The following RBM27 variants were observed in gnomAD, a reference collection of about 807,000 sequenced individuals.
RBM27 encodes RNA-binding protein 27.
RBM27 carries 22 observed loss-of-function variants against 135.3 expected under a neutral mutation model. That is an observed-to-expected ratio of 0.16 (90% CI 0.12 to 0.23). RBM27 has a LOEUF of 0.23. Ranked by LOEUF, RBM27 falls within the 10% of genes least tolerant of loss-of-function variation. The pLI is 1.00. For missense variants in RBM27, 1,009 were observed against 1,281.0 expected (o/e 0.79, Z 3.24); for synonymous variants, 481 against 442.4 (o/e 1.09, Z -1.10).
At position 146,271,034 on chromosome 5, in the gene RBM27, A is replaced by G. The variant is rs17104362; in HGVS notation, c.2772A>G (p.Lys924=). 0.087 allele frequency: 139,596 copies of G among 1,611,486 alleles called. 10,942 individuals carry two copies. The highest frequency in any genetic ancestry group is 0.42 in the African/African-American group (31,053 of 74,754). ...SSGEDTTELR[K]KLSQLQVEAA... ...GAGAAGACACCACAGAATTACGGAA[A>G]AAACTCAGTCAGTTACAGGTTGAGG... The change falls in exon 18 of 21, where the codon AAA becomes AAG. Residue 924 remains lysine, a synonymous_variant. Transcript: ENST00000265271.
chr5:146,224,002 A>G (rs894849363), intron 3 of RBM27, among the ~76,000 whole-genome samples: 40 of 152,246 alleles, frequency 2.6e-4, no homozygotes, highest in Non-Finnish European at 1.0e-4. Flanking sequence ...ATATTGAAGT[A>G]TGAAAACATG....
At chr5:146,245,313 A>G (rs1452751839) in intron 8 of RBM27, 1 of 152,134 alleles carries the variant, frequency 6.6e-6, no homozygotes, top group African/African-American at 2.4e-5. Flanking sequence ...CAAGACCATT[A>G]TTAAGTAAAG....
At chr5:146,212,279 C>G (rs755746638) in intron 1 of RBM27, among the ~76,000 whole-genome samples, 1 of 152,112 alleles carries the variant, frequency 6.6e-6, no homozygotes, top group Non-Finnish European at 1.5e-5. Context: ...TGGTCTTGAA[C>G]TCTTGACCTT....
At chr5:146,268,377 G>T (rs2126876065) in intron 15 of RBM27, among the ~76,000 whole-genome samples, 1 of 151,846 alleles carries the variant, frequency 6.6e-6, no homozygotes, top group South Asian at 2.1e-4. Flanking sequence ...AGAGTAGCTG[G>T]GATTACAGGC....
chr5:146,234,105 C>G (rs1351491237), intron 7 of RBM27, among the ~76,000 whole-genome samples: 2 of 152,048 alleles, frequency 1.3e-5, no homozygotes, highest in African/African-American at 4.8e-5. Flanking sequence ...TGGCCTCAAG[C>G]AGTCCTCTCC....
intron 1 of RBM27, among the ~76,000 whole-genome samples, chr5:146,213,945 A>G (rs1024038583): frequency 3.3e-5 from 5 of 152,340 alleles, no homozygotes; most frequent in East Asian, 1.9e-4. Context: ...AAGGAGTCCT[A>G]TTTGTAAGTT....
chr5:146,224,449 A>G (rs1233251239), intron 3 of RBM27, among the ~76,000 whole-genome samples: 1 of 152,196 alleles, frequency 6.6e-6, no homozygotes, highest in Non-Finnish European at 1.5e-5. Context: ...TGGGAGGCTT[A>G]GGTGGGCGGA....
In RBM27 at chr5:146,269,488, T is replaced by G; in HGVS notation, c.2595T>G (p.Thr865=). The change falls in exon 17 of 21, where the codon ACT becomes ACG. Residue 865 remains threonine (T), a synonymous_variant. Coordinates refer to ENST00000265271, the MANE Select transcript of RBM27 (RefSeq NM_018989.2). ...KPEERANIMK[T]LKELGEKISQ... ...AAGAAAGAGCAAATATAATGAAGAC[T>G]TTGAAAGAGCTTGGAGAGAAGATCT... is the stretch of plus-strand genomic sequence containing the variant. 6.3e-7 allele frequency: 1 copy of G among 1,585,326 alleles called. No individual in the cohort carries two copies. Among genetic ancestry groups the G allele is most frequent in the Non-Finnish European group, 8.6e-7 (1 of 1,167,962 alleles).
intron 6 of RBM27, among the ~76,000 whole-genome samples, chr5:146,233,181 G>T (rs1286313544): frequency 1.8e-4 from 28 of 152,108 alleles, no homozygotes; most frequent in Non-Finnish European, 2.9e-5. Flanking sequence ...ATTGCAAATG[G>T]TTTAGTATAA....
At chr5:146,243,339 T>C (rs1757488256) in intron 8 of RBM27, among the ~76,000 whole-genome samples, 1 of 152,216 alleles carries the variant, frequency 6.6e-6, no homozygotes, top group South Asian at 2.1e-4. Context: ...GATAATTGAA[T>C]CCTTCACATT....
intron 7 of RBM27, 138 bp downstream of exon 7, chr5:146,233,881 A>G: frequency 3.6e-6 from 2 of 560,482 alleles, no homozygotes. Flanking sequence ...CATAATTAAG[A>G]TGCTATTCTT....
rs768445655 is a variant in RBM27, at chr5:146,233,690, C to G, written c.1091C>G (p.Pro364Arg). Residue 364 changes from proline to arginine, a missense_variant, in exon 7 of 21, where the codon CCT becomes CGT. Coordinates refer to ENST00000265271, the MANE Select transcript of RBM27 (RefSeq NM_018989.2). Reference sequence around the variant, plus strand: ...GGTCCTGGCCATAGTATGAGACTTCCTGTTCCCCAAGGACATGGTCAGCCT... The same window carrying G: ...GGTCCTGGCCATAGTATGAGACTTCGTGTTCCCCAAGGACATGGTCAGCCT... ...GPGPGHSMRL[P>R]VPQGHGQPPP... The G allele has an allele frequency of 1.3e-6, 2 of 1,508,542 alleles. No individual in the cohort carries two copies. Among genetic ancestry groups the G allele is most frequent in the Non-Finnish European group, 1.8e-6 (2 of 1,133,030 alleles). The allele number at this position is 1,508,542 out of a possible 1,614,324, so 93.4% of individuals were successfully genotyped here. A position where few individuals can be genotyped will look rare whatever the true frequency, so the allele number is the denominator to read the frequency against.
At position 146,233,618 on chromosome 5, in the gene RBM27, G is replaced by A; in HGVS notation, c.1019G>A (p.Gly340Asp). 6.2e-7 allele frequency: 1 copy of A among 1,602,476 alleles called. No homozygotes were observed. Among genetic ancestry groups the A allele is most frequent in the Non-Finnish European group, 8.5e-7 (1 of 1,173,380 alleles). ...GMLMPPMPGP[G>D]PGPGPGPGPG... ...TTAATGCCTCCAATGCCAGGTCCAG[G>A]CCCAGGCCCGGGCCCAGGTCCAGGC... Residue 340 changes from glycine (G) to aspartate (D), a missense_variant, in exon 7 of 21, where the codon GGC (glycine) becomes GAC (aspartate). Gly to Asp is a moderately conservative substitution (Grantham distance 94, BLOSUM62 -1). Coordinates refer to ENST00000265271, the MANE Select transcript of RBM27 (RefSeq NM_018989.2).
intron 1 of RBM27, among the ~76,000 whole-genome samples, chr5:146,215,767 T>C (rs1756163336): frequency 6.6e-6 from 1 of 152,102 alleles, no homozygotes; most frequent in Admixed American, 6.5e-5. Flanking sequence ...ATTTTTTTTT[T>C]TTTGAGACTG....
At chr5:146,251,194 G>A (rs1429341313) in intron 8 of RBM27, among the ~76,000 whole-genome samples, 1 of 152,056 alleles carries the variant, frequency 6.6e-6, no homozygotes, top group African/African-American at 2.4e-5. Context: ...GCGAAGGTAT[G>A]CATATAGTGG....
rs771919249 is a variant in RBM27, at chr5:146,258,580, C to G, written c.1726C>G (p.Pro576Ala). 2.6e-6 allele frequency: 4 copies of G among 1,567,066 alleles called. No individual in the cohort carries two copies. The highest frequency in any genetic ancestry group is 3.4e-6 in the Non-Finnish European group (4 of 1,159,820). The change falls in exon 11 of 21, where the codon CCT becomes GCT. Residue 576 changes from proline to alanine, a missense_variant. Physicochemically the swap from Pro to Ala is conservative, Grantham distance 27 (BLOSUM62 -1). This residue lies in a region of RBM27 where 329 missense variants were observed against 368.1 expected (regional missense o/e 0.89). Transcript: ENST00000265271. ...TTTGGAAGGGCCACTCACAAAGAAA[C>G]CTTGGCTGGGAAAGTAAGATAATTT... Reference protein sequence around the residue: ...SGLEGPLTKKPWLGKQGNNNQ... With the variant: ...SGLEGPLTKKAWLGKQGNNNQ...
intron 7 of RBM27, among the ~76,000 whole-genome samples, chr5:146,236,804 A>C (rs934785006): frequency 2.6e-5 from 4 of 151,512 alleles, no homozygotes; most frequent in Admixed American, 6.6e-5. Context: ...TTGTACTTTT[A>C]GTAGAGATGG....
At chr5:146,225,838 A>G (rs1756650069) in intron 3 of RBM27, among the ~76,000 whole-genome samples, 1 of 151,488 alleles carries the variant, frequency 6.6e-6, no homozygotes, top group African/African-American at 2.4e-5. Context: ...TGCTGGGATT[A>G]CAGGGGTGAG....
At position 146,229,015 on chromosome 5, in the gene RBM27, C is replaced by A; in HGVS notation, c.373C>A (p.Arg125Ser). 1.2e-6 allele frequency: 2 copies of A among 1,613,520 alleles called. No individual in the cohort carries two copies. Among genetic ancestry groups the A allele is most frequent in the Non-Finnish European group, 1.7e-6 (2 of 1,179,654 alleles). ...KKKYPSPQKT[R>S]SESSERRTRE... ...GAAATATCCTAGTCCCCAGAAGACT[C>A]GTTCAGAATCTAGTGAACGAAGGTT... Residue 125 changes from arginine (R) to serine (S), a missense_variant, in exon 4 of 21, where the codon CGT becomes AGT. Arg to Ser is a moderately radical substitution (Grantham distance 110). Transcript: ENST00000265271.
Sources: allele counts gnomAD v4.1 joint callset (sites outside exome capture counted in the v4.1 genomes callset), GRCh38; gene constraint gnomAD v4.1.1; regional missense constraint gnomAD v4.1.1; transcripts MANE v1.5; gene names NCBI Gene and HGNC (gene_info 2026-07-23, HGNC 2026-07-21).